C12orf42: variants seen among roughly 807,000 people sequenced by gnomAD.
The protein encoded by C12orf42 is uncharacterized protein C12orf42.
A neutral mutation model predicts 21.6 loss-of-function variants in C12orf42; 25 were observed. That is an observed-to-expected ratio of 1.16 (90% CI 0.84 to 1.62). C12orf42 has a LOEUF of 1.62. C12orf42 is among the 40% of genes most tolerant of loss of function. The probability of loss-of-function intolerance (pLI) is 0.00; values close to 1 mark genes in which losing one functional copy is unlikely to be tolerated. For synonymous variants in C12orf42, 174 were observed against 175.0 expected (o/e 0.99, Z 0.05); for missense variants, 483 against 459.3 (o/e 1.05, Z -0.47).
downstream of C12orf42, among the ~76,000 whole-genome samples, chr12:103,235,861 C>T (rs1207474788): frequency 6.6e-6 from 1 of 152,166 alleles, no homozygotes; most frequent in Non-Finnish European, 1.5e-5. Flanking sequence ...GAAATTTGAG[C>T]TTAAGACATA....
At chr12:103,457,123 T>C (rs2137589155) in intron 2 of C12orf42, among the ~76,000 whole-genome samples, 1 of 152,322 alleles carries the variant, frequency 6.6e-6, no homozygotes, top group Non-Finnish European at 1.5e-5. Flanking sequence ...AACTACTCTG[T>C]TCACAGAACT....
downstream of C12orf42, among the ~76,000 whole-genome samples, chr12:103,263,981 T>C (rs78928957): frequency 0.025 from 3,864 of 152,244 alleles, 138 homozygotes; most frequent in African/African-American, 0.085. Flanking sequence ...TCCTCTACCA[T>C]TGGACCTGAA....
intron 5 of C12orf42, 52 bp downstream of exon 5, chr12:103,305,920 CAA>C (rs1311896063): frequency 3.9e-6 from 6 of 1,539,942 alleles, no homozygotes; most frequent in Non-Finnish European, 5.2e-6. Context: ...AAGTTAAAAA[CAA>C]AATGTGACCA....
At chr12:103,321,620 G>A (rs1335105086) in intron 4 of C12orf42, among the ~76,000 whole-genome samples, 6 of 142,226 alleles carry the variant, frequency 4.2e-5, no homozygotes, top group Non-Finnish European at 4.6e-5. Flanking sequence ...CAACCCAAAT[G>A]TCCAACAATG....
At chr12:103,218,933 C>A in the C12orf42 span, among the ~76,000 whole-genome samples, 1 of 152,310 alleles carries the variant, frequency 6.6e-6, no homozygotes, top group South Asian at 2.1e-4. Flanking sequence ...AGAAGAGATT[C>A]CCTCAGGTGT....
At chr12:103,442,242 A>T (rs1050962212) in intron 2 of C12orf42, among the ~76,000 whole-genome samples, 1 of 152,202 alleles carries the variant, frequency 6.6e-6, no homozygotes, top group Non-Finnish European at 1.5e-5. Flanking sequence ...TCAGCAACTA[A>T]CCATAACTAA....
At chr12:103,510,701 T>G in the C12orf42 span, among the ~76,000 whole-genome samples, 1 of 152,202 alleles carries the variant, frequency 6.6e-6, no homozygotes, top group African/African-American at 2.4e-5. Context: ...ATTATCACAC[T>G]GGGCTCTTTT....
At chr12:103,098,188 C>A in the C12orf42 span, among the ~76,000 whole-genome samples, 1 of 152,182 alleles carries the variant, frequency 6.6e-6, no homozygotes, top group African/African-American at 2.4e-5. Context: ...GAATGGAAAC[C>A]AATGGAAATA....
intron 1 of C12orf42, 136 bp from the exon 2 acceptor site, chr12:103,478,583 ATT>A (rs3065865): frequency 0.057 from 15,651 of 276,100 alleles, 6 homozygotes; most frequent in Middle Eastern, 0.084. Context: ...ACTTTCAATA[ATT>A]TTTTTTTTTT....
chr12:103,473,491 C>T (rs1953786728), intron 2 of C12orf42, among the ~76,000 whole-genome samples: 1 of 152,198 alleles, frequency 6.6e-6, no homozygotes, highest in Non-Finnish European at 1.5e-5. Flanking sequence ...ATTAATTCCA[C>T]AGATATTCAT....
chr12:103,384,033 A>C (rs899319454), intron 3 of C12orf42, among the ~76,000 whole-genome samples: 1 of 152,170 alleles, frequency 6.6e-6, no homozygotes, highest in East Asian at 1.9e-4. Context: ...CAGTGGGTAG[A>C]TTTTCATGAC....
chr12:103,408,427 C>T (rs1029926518), intron 2 of C12orf42, among the ~76,000 whole-genome samples: 2 of 152,086 alleles, frequency 1.3e-5, no homozygotes, highest in African/African-American at 4.8e-5. Flanking sequence ...ACACAGTAGT[C>T]AACTTTAAAT....
At chr12:103,095,992 T>C in the C12orf42 span, among the ~76,000 whole-genome samples, 2 of 152,172 alleles carry the variant, frequency 1.3e-5, no homozygotes, top group Non-Finnish European at 2.9e-5. Context: ...TGAAGTGAAC[T>C]CATGGGGCAC....
the C12orf42 span, among the ~76,000 whole-genome samples, chr12:103,120,617 T>C: frequency 7.9e-5 from 12 of 151,892 alleles, no homozygotes; most frequent in Non-Finnish European, 1.5e-4. Context: ...AAGATGGGGA[T>C]ATAAAAATAC....
intron 4 of C12orf42, among the ~76,000 whole-genome samples, chr12:103,291,699 T>A (rs2036837993): frequency 6.6e-6 from 1 of 152,194 alleles, no homozygotes; most frequent in Non-Finnish European, 1.5e-5. Context: ...CCATGACATT[T>A]GTAAACTGTC....
intron 1 of C12orf42, among the ~76,000 whole-genome samples, chr12:103,482,939 TTA>T (rs1954574757): frequency 6.6e-6 from 1 of 152,170 alleles, no homozygotes; most frequent in Non-Finnish European, 1.5e-5. Flanking sequence ...TTCTATAAGT[TTA>T]TTTTTACAAT....
the C12orf42 span, among the ~76,000 whole-genome samples, chr12:103,053,261 G>T: frequency 6.6e-6 from 1 of 151,864 alleles, no homozygotes; most frequent in Non-Finnish European, 1.5e-5. Flanking sequence ...GTTTTCCCCA[G>T]TGATAACATC....
chr12:103,436,461 T>C (rs1213023001), intron 2 of C12orf42, among the ~76,000 whole-genome samples: 4 of 151,988 alleles, frequency 2.6e-5, no homozygotes, highest in Non-Finnish European at 5.9e-5. Context: ...ACTGGCAAAT[T>C]GGATAAAGAG....
downstream of C12orf42, among the ~76,000 whole-genome samples, chr12:103,297,019 C>T (rs2037338644): frequency 6.6e-6 from 1 of 152,170 alleles, no homozygotes; most frequent in South Asian, 2.1e-4. Context: ...TTTAATCCAT[C>T]TTGAATTAAT....
Sources: gnomAD v4.1 joint callset for allele counts (sites outside exome capture counted in the v4.1 genomes callset) on GRCh38, gnomAD v4.1.1 for gene constraint, MANE v1.5 for transcripts, NCBI Gene and HGNC (gene_info 2026-07-23, HGNC 2026-07-21) for gene names.